Variants in TMEM71 observed in about 807,000 individuals in gnomAD.
TMEM71 encodes transmembrane protein 71.
Under a neutral mutation model 38.0 loss-of-function variants are expected in TMEM71, and 44 were observed. That is an observed-to-expected ratio of 1.16 (90% CI 0.91 to 1.49). TMEM71 has a LOEUF of 1.49. Among genes scored for constraint, TMEM71 ranks in the 40% most tolerant of loss-of-function variants. The pLI is 0.00. For missense variants in TMEM71, 367 were observed against 348.6 expected, an observed-to-expected ratio of 1.05 and a Z score of -0.42; for synonymous variants, 133 against 122.5, an observed-to-expected ratio of 1.09 and a Z score of -0.56.
chr8:132,752,330 T>C (rs1265395437), intron 3 of TMEM71, among the ~76,000 whole-genome samples: 1 of 152,232 alleles, frequency 6.6e-6, no homozygotes, highest in African/African-American at 2.4e-5. Flanking sequence ...AAATCCCCTC[T>C]ACTCTCTTAC....
chr8:132,757,825 C>CA (rs56859505), intron 2 of TMEM71, among the ~76,000 whole-genome samples: 1,245 of 106,992 alleles, frequency 0.012, 13 homozygotes, highest in African/African-American at 0.027. Flanking sequence ...GATTCTGTCT[C>CA]AAAAAAAAAA....
At chr8:132,721,932 C>A in intron 7 of TMEM71, 108 bp downstream of exon 7, 1 of 957,860 alleles carries the variant, frequency 1.0e-6, no homozygotes, top group Non-Finnish European at 1.7e-6. Flanking sequence ...CGAATCTCAA[C>A]CACAGAGCTA....
chr8:132,767,006 T>C, the TMEM71 span, among the ~76,000 whole-genome samples: 1 of 152,044 alleles, frequency 6.6e-6, no homozygotes, highest in Admixed American at 6.5e-5. Context: ...CATCAAAACT[T>C]CTCCTATTTA....
At chr8:132,767,550 C>T in the TMEM71 span, among the ~76,000 whole-genome samples, 2 of 151,190 alleles carry the variant, frequency 1.3e-5, no homozygotes, top group African/African-American at 4.9e-5. Flanking sequence ...TCTCAGCTCA[C>T]TGCAACCTCT....
At chr8:132,714,296 A>G (rs1826387419) in intron 7 of TMEM71, 81 bp from the exon 8 acceptor site, 4 of 1,064,158 alleles carry the variant, frequency 3.8e-6, no homozygotes, top group South Asian at 1.3e-5. Flanking sequence ...TTACTATAGA[A>G]TTATGATTTC....
Position 132,727,918 on chromosome 8 carries a change from T to A in TMEM71, c.556A>T (p.Ile186Phe). 1.2e-6 allele frequency: 2 copies of A among 1,614,010 alleles called. No homozygotes were observed. Among genetic ancestry groups the A allele is most frequent in the Non-Finnish European group, 1.7e-6 (2 of 1,179,998 alleles). The part of the protein sequence containing the change: ...ESGKMNAESV[I>F]TSSSSHIISQ... ...ATGATGTGGCTGGAAGAGGAGGTGA[T>A]CACAGACTCTGCATTCATCTTCCCT... The change falls in exon 6 of 10, where the codon ATC (isoleucine) becomes TTC (phenylalanine). Residue 186 changes from isoleucine to phenylalanine, a missense_variant. By Grantham distance (21) the Ile-to-Phe change is conservative. Transcript: ENST00000677595.
chr8:132,725,720 A>G (rs1195775564), intron 6 of TMEM71, among the ~76,000 whole-genome samples: 2 of 152,228 alleles, frequency 1.3e-5, no homozygotes, highest in African/African-American at 4.8e-5. Context: ...AGTGATATAT[A>G]GAGTGCTAGG....
the TMEM71 span, among the ~76,000 whole-genome samples, chr8:132,770,237 G>C: frequency 6.6e-6 from 1 of 152,186 alleles, no homozygotes; most frequent in Admixed American, 6.5e-5. Flanking sequence ...TTGTTGAATG[G>C]CTGTAAATTG....
chr8:132,730,889 A>G (rs1465034443), intron 5 of TMEM71, among the ~76,000 whole-genome samples: 1 of 152,000 alleles, frequency 6.6e-6, no homozygotes, highest in Non-Finnish European at 1.5e-5. Flanking sequence ...ACATGTGTGC[A>G]TGTGTGTGTT....
intron 7 of TMEM71, among the ~76,000 whole-genome samples, chr8:132,717,823 T>G (rs2131017182): frequency 6.6e-6 from 1 of 152,270 alleles, no homozygotes; most frequent in South Asian, 2.1e-4. Context: ...TTCATAATGG[T>G]CAAATGGGGA....
At chr8:132,707,290 G>A (rs1160618952), downstream of TMEM71, among the ~76,000 whole-genome samples, 1 of 152,188 alleles carries the variant, frequency 6.6e-6, no homozygotes, top group East Asian at 1.9e-4. Flanking sequence ...TTCTGAAGGT[G>A]AGGATGTTGG....
At chr8:132,754,002 C>T (rs1390982677) in intron 3 of TMEM71, among the ~76,000 whole-genome samples, 1 of 152,164 alleles carries the variant, frequency 6.6e-6, no homozygotes, top group Admixed American at 6.5e-5. Flanking sequence ...TTTAATTCAT[C>T]TTTACATGAC....
intron 3 of TMEM71, 141 bp from the exon 4 acceptor site, chr8:132,752,138 C>T: frequency 2.9e-6 from 2 of 700,978 alleles, no homozygotes; most frequent in Non-Finnish European, 4.9e-6. Flanking sequence ...AGGAATGTCA[C>T]TCTTAATGTT....
intron 7 of TMEM71, among the ~76,000 whole-genome samples, chr8:132,715,282 C>T (rs113951382): frequency 0.011 from 1,633 of 151,006 alleles, 17 homozygotes; most frequent in Non-Finnish European, 0.014. Flanking sequence ...TGGTGGCGGG[C>T]GCCTGTAGTC....
chr8:132,740,903 G>A (rs1232683796), intron 5 of TMEM71, among the ~76,000 whole-genome samples: 4 of 152,212 alleles, frequency 2.6e-5, no homozygotes. Flanking sequence ...GTTTGGGTTG[G>A]AGAAGTAGGA....
chr8:132,741,720 G>A (rs1167840170), intron 5 of TMEM71, among the ~76,000 whole-genome samples: 1 of 152,082 alleles, frequency 6.6e-6, no homozygotes, highest in Non-Finnish European at 1.5e-5. Context: ...CAGGTGTACA[G>A]AATGGAACAT....
chr8:132,746,907 A>T, intron 5 of TMEM71, 35 bp downstream of exon 5: 1 of 1,522,110 alleles, frequency 6.6e-7, no homozygotes, highest in Non-Finnish European at 8.8e-7. Flanking sequence ...ACTTGGAGAT[A>T]AAATTTTACT....
chr8:132,728,612 G>T (rs956397149), intron 5 of TMEM71, among the ~76,000 whole-genome samples: 3 of 152,158 alleles, frequency 2.0e-5, no homozygotes, highest in Non-Finnish European at 2.9e-5. Flanking sequence ...ATAAACAAAG[G>T]CCAGAGGCAT....
chr8:132,740,139 C>T (rs1586797384), intron 5 of TMEM71, among the ~76,000 whole-genome samples: 1 of 152,178 alleles, frequency 6.6e-6, no homozygotes, highest in Non-Finnish European at 1.5e-5. Context: ...CCACAGCTCC[C>T]CTTGTTCTTT....
Sources: gnomAD v4.1 joint callset for allele counts (sites outside exome capture counted in the v4.1 genomes callset) on GRCh38, gnomAD v4.1.1 for gene constraint, MANE v1.5 for transcripts, NCBI Gene and HGNC (gene_info 2026-07-23, HGNC 2026-07-21) for gene names.